The following ZFYVE9 variants were observed in gnomAD, a reference collection of about 807,000 sequenced individuals.
ZFYVE9 encodes the protein zinc finger FYVE domain-containing protein 9.
ZFYVE9 carries 43 observed loss-of-function variants against 126.7 expected under a neutral mutation model. The observed-to-expected ratio is 0.34, with a 90% CI of 0.27 to 0.44. The LOEUF is 0.44. Ranked by LOEUF, ZFYVE9 falls within the 20% of genes least tolerant of loss-of-function variation. The pLI is 1.00. For missense variants in ZFYVE9, 1,476 were observed against 1,697.0 expected, an observed-to-expected ratio of 0.87 and a Z score of 2.29; for synonymous variants, 521 against 597.4, an observed-to-expected ratio of 0.87 and a Z score of 1.87.
At chr1:52,281,637 T>C (rs952134815) in intron 9 of ZFYVE9, 24 bp from the exon 10 acceptor site, 2 of 1,610,514 alleles carry the variant, frequency 1.2e-6, no homozygotes, top group Admixed American at 3.4e-5. Context: ...TGTCTTTATT[T>C]TTGTGTTTTT....
intron 4 of ZFYVE9, among the ~76,000 whole-genome samples, chr1:52,256,009 C>T (rs890868070): frequency 2.4e-5 from 3 of 125,116 alleles, no homozygotes; most frequent in East Asian, 2.4e-4. Flanking sequence ...TCCTTCCTTC[C>T]TTCTTTCCTT....
chr1:52,181,025 G>T (rs925830203), intron 1 of ZFYVE9, among the ~76,000 whole-genome samples: 3 of 149,180 alleles, frequency 2.0e-5, no homozygotes, highest in Non-Finnish European at 4.4e-5. Flanking sequence ...TGGAAATTCT[G>T]TTAAATATTT....
rs546854595 is a variant in ZFYVE9, at chr1:52,264,034, A to G, written c.2278+162A>G. ...AGCTAAATTTCCATGTTTTGAAAGT[A>G]TCTTAGCATTTCAGAATTCCTGTGC... On this transcript the variant is annotated intron_variant, in intron 5 of 18. Transcript: ENST00000287727. The G allele has an allele frequency of 4.8e-5, 20 of 418,534 alleles. 1 individual carries two copies. The South Asian group carries it at 1.2e-3, about 25-fold the overall frequency. 25.9% of individuals were successfully genotyped at this position (418,534 alleles called of 1,614,324 possible).
intron 9 of ZFYVE9, 61 bp downstream of exon 9, chr1:52,278,675 C>T: frequency 9.0e-7 from 1 of 1,111,310 alleles, no homozygotes; most frequent in Non-Finnish European, 1.3e-6. Flanking sequence ...GTACATAAAA[C>T]TTTCAGATTT....
chr1:52,143,713 A>G (rs1401626898), intron 1 of ZFYVE9, among the ~76,000 whole-genome samples: 1 of 152,220 alleles, frequency 6.6e-6, no homozygotes, highest in Non-Finnish European at 1.5e-5. Context: ...AAAATATTTT[A>G]CTAAATTACA....
chr1:52,158,525 G>A (rs1013967113), intron 1 of ZFYVE9, among the ~76,000 whole-genome samples: 10 of 152,184 alleles, frequency 6.6e-5, no homozygotes, highest in Non-Finnish European at 8.8e-5. Context: ...CCATCTATCC[G>A]TAACCTGTCT....
At chr1:52,274,386 C>T in intron 7 of ZFYVE9, 78 bp from the exon 8 acceptor site, 7 of 1,439,630 alleles carry the variant, frequency 4.9e-6, no homozygotes, top group South Asian at 1.6e-5. Context: ...ACTTAAGTTC[C>T]CATTTGTATT....
chr1:52,230,651 C>T (rs1645212819), intron 2 of ZFYVE9, among the ~76,000 whole-genome samples: 1 of 152,034 alleles, frequency 6.6e-6, no homozygotes. Flanking sequence ...CCTTGGCTGC[C>T]TCCTGTCTCT....
intron 12 of ZFYVE9, among the ~76,000 whole-genome samples, chr1:52,298,884 A>C (rs1646004909): frequency 7.2e-6 from 1 of 138,104 alleles, no homozygotes; most frequent in South Asian, 2.2e-4. Context: ...ATTTCGGCTC[A>C]CTGCAAGCTC....
In ZFYVE9 at chr1:52,239,461, G is replaced by C. The variant is rs779545853; in HGVS notation, c.2044G>C (p.Ala682Pro). The C allele has an allele frequency of 1.9e-6, 3 of 1,613,980 alleles. No homozygotes were observed. In the African/African-American group the frequency reaches 4.0e-5, roughly 22 times the overall value. Residue 682 changes from alanine (A) to proline (P), a missense_variant, in exon 4 of 19, where the codon GCC becomes CCC. Around this residue, in one of 2 missense-constraint regions of ZFYVE9, gnomAD observed 807 missense variants for 794.6 expected, o/e 1.02. Transcript: ENST00000287727. The part of the protein sequence containing the change: ...DLRAGQFGIS[A>P]RKPFTTLGEV... The stretch of plus-strand genomic sequence containing the variant: ...CAGAGCTGGTCAGTTTGGAATTTCT[G>C]CCAGAAAGCCATTCACCACTCTGGG...
At chr1:52,250,228 T>C (rs1351101804) in intron 4 of ZFYVE9, among the ~76,000 whole-genome samples, 1 of 152,224 alleles carries the variant, frequency 6.6e-6, no homozygotes, top group Non-Finnish European at 1.5e-5. Context: ...ATAATAAGCC[T>C]TCTAGTCCAT....
At chr1:52,275,293 T>C (rs575164884) in intron 8 of ZFYVE9, among the ~76,000 whole-genome samples, 16 of 152,206 alleles carry the variant, frequency 1.1e-4, no homozygotes, top group Non-Finnish European at 2.2e-4. Flanking sequence ...CAGCCACTGA[T>C]GGGCAGTTAG....
intron 1 of ZFYVE9, among the ~76,000 whole-genome samples, chr1:52,177,947 T>TTG (rs1413300810): frequency 6.6e-6 from 1 of 151,684 alleles, no homozygotes; most frequent in African/African-American, 2.4e-5. Context: ...TAGTTTTGTT[T>TTG]TTTTTTTTTT....
chr1:52,222,238 T>A (rs1329079362), intron 2 of ZFYVE9, among the ~76,000 whole-genome samples: 1 of 152,198 alleles, frequency 6.6e-6, no homozygotes, highest in Admixed American at 6.5e-5. Context: ...GGGAGAAATT[T>A]TCTAGAACTT....
intron 15 of ZFYVE9, among the ~76,000 whole-genome samples, chr1:52,335,841 G>T (rs970687442): frequency 5.3e-5 from 8 of 152,176 alleles, no homozygotes; most frequent in Admixed American, 6.5e-5. Flanking sequence ...TGTAAAAACA[G>T]TCCTTTCTTA....
rs377101031 is a variant in ZFYVE9 at position 52,323,329 on chromosome 1, C to A, written c.3439-9439C>A. On this transcript the variant is annotated intron_variant, in intron 13 of 18. Coordinates refer to ENST00000287727, the MANE Select transcript of ZFYVE9 (RefSeq NM_004799.4). ...AATTGTACCCACCAATACTCCCAGT[C>A]CTCCTTCCATGTTTTATTTTTCTCT... Among the ~76,000 whole-genome samples, 21 of 152,310 alleles carry A rather than the reference C, an allele frequency of 1.4e-4. No homozygotes were observed. The East Asian group carries it at 3.7e-3, about 27-fold the overall frequency.
chr1:52,161,393 G>A (rs1227741011), intron 1 of ZFYVE9, among the ~76,000 whole-genome samples: 2 of 152,104 alleles, frequency 1.3e-5, no homozygotes, highest in East Asian at 3.8e-4. Context: ...GGGTTCAAGC[G>A]ATTCTCCTGC....
intron 10 of ZFYVE9, among the ~76,000 whole-genome samples, chr1:52,285,920 C>A (rs1479086613): frequency 6.6e-6 from 1 of 152,084 alleles, no homozygotes; most frequent in African/African-American, 2.4e-5. Flanking sequence ...TTTGGCAGGC[C>A]AAGCCGGGTG....
intron 2 of ZFYVE9, among the ~76,000 whole-genome samples, chr1:52,220,894 G>T (rs2124603277): frequency 6.6e-6 from 1 of 152,316 alleles, no homozygotes; most frequent in South Asian, 2.1e-4. Context: ...GATCTGCAAG[G>T]TTATTTCCCT....
Sources: allele counts gnomAD v4.1 joint callset (sites outside exome capture counted in the v4.1 genomes callset), GRCh38; gene constraint gnomAD v4.1.1; regional missense constraint gnomAD v4.1.1; transcripts MANE v1.5; gene names NCBI Gene and HGNC (gene_info 2026-07-23, HGNC 2026-07-21).